SNTG2: variants seen among roughly 807,000 people sequenced by gnomAD.
The protein encoded by SNTG2 is syntrophin gamma 2, also known as gamma-2-syntrophin.
Under a neutral mutation model 70.9 loss-of-function variants are expected in SNTG2, and 74 were observed. That is an observed-to-expected ratio of 1.04 (90% CI 0.86 to 1.27). SNTG2 has a LOEUF of 1.27. SNTG2 is among the 50% of genes most tolerant of loss of function. The pLI, the probability that SNTG2 is intolerant of heterozygous loss-of-function variation, is 0.00. For synonymous variants in SNTG2, 278 were observed against 273.8 expected, an observed-to-expected ratio of 1.02 and a Z score of -0.15; for missense variants, 717 against 690.7, an observed-to-expected ratio of 1.04 and a Z score of -0.43.
intron 11 of SNTG2, 120 bp downstream of exon 11, chr2:1,239,896 T>A: frequency 1.6e-6 from 2 of 1,257,152 alleles, no homozygotes; most frequent in Non-Finnish European, 2.3e-6. Context: ...GATTTGAAAA[T>A]GTTGATAGGA....
At chr2:1,084,871 G>A (rs1396378646) in intron 2 of SNTG2, among the ~76,000 whole-genome samples, 1 of 152,168 alleles carries the variant, frequency 6.6e-6, no homozygotes, top group Non-Finnish European at 1.5e-5. Context: ...AAGCTTTCGT[G>A]TGAGGGCACC....
chr2:1,334,932 A>G (rs1248323474), intron 16 of SNTG2, among the ~76,000 whole-genome samples: 1 of 152,344 alleles, frequency 6.6e-6, no homozygotes. Context: ...CCCAAAAACT[A>G]TTGAAATAAA....
At chr2:1,282,625 C>T (rs1230891788) in intron 14 of SNTG2, among the ~76,000 whole-genome samples, 2 of 152,098 alleles carry the variant, frequency 1.3e-5, no homozygotes, top group African/African-American at 2.4e-5. Context: ...ACAATAACGC[C>T]GCCTCCCCCG....
intron 9 of SNTG2, among the ~76,000 whole-genome samples, chr2:1,236,950 C>CTTT (rs34225491): frequency 0.16 from 24,407 of 148,046 alleles, 3,294 homozygotes; most frequent in African/African-American, 0.37. Context: ...TTCTTTTTTT[C>CTTT]TTTTTTTTTT....
At chr2:1,263,124 A>G (rs1293000220) in intron 13 of SNTG2, among the ~76,000 whole-genome samples, 2 of 152,232 alleles carry the variant, frequency 1.3e-5, no homozygotes, top group African/African-American at 4.8e-5. Flanking sequence ...GAATCTAAAG[A>G]AGAGTCCATT....
intron 16 of SNTG2, among the ~76,000 whole-genome samples, chr2:1,339,302 A>G (rs906527672): frequency 1.3e-5 from 2 of 152,206 alleles, no homozygotes; most frequent in Admixed American, 6.5e-5. Context: ...ATTTTCTTCC[A>G]TTCTGTAGTT....
intron 1 of SNTG2, among the ~76,000 whole-genome samples, chr2:1,046,841 C>T (rs12479068): frequency 0.81 from 123,495 of 152,002 alleles, 50,499 homozygotes; most frequent in Non-Finnish European, 0.83. Flanking sequence ...GTCTTGGAAG[C>T]TGGTGATCTT....
chr2:1,135,320 C>T (rs1405505481), intron 4 of SNTG2, among the ~76,000 whole-genome samples: 1 of 119,430 alleles, frequency 8.4e-6, no homozygotes, highest in Admixed American at 8.7e-5. Flanking sequence ...AACAAAATGC[C>T]ACTTTTTGCT....
intron 8 of SNTG2, among the ~76,000 whole-genome samples, chr2:1,203,150 T>TA (rs1673383327): frequency 6.6e-6 from 1 of 152,190 alleles, no homozygotes; most frequent in Non-Finnish European, 1.5e-5. Flanking sequence ...TTCAACAAGA[T>TA]AGATGGAATG....
intron 1 of SNTG2, among the ~76,000 whole-genome samples, chr2:1,004,108 G>A (rs1659493551): frequency 6.6e-6 from 1 of 152,010 alleles, no homozygotes; most frequent in African/African-American, 2.4e-5. Flanking sequence ...CAACCTATTT[G>A]GTTTTAATTC....
At chr2:962,063 A>G (rs1660365978) in intron 1 of SNTG2, among the ~76,000 whole-genome samples, 1 of 152,212 alleles carries the variant, frequency 6.6e-6, no homozygotes, top group South Asian at 2.1e-4. Context: ...AAATGTGGAA[A>G]TACTGGTAAC....
intron 14 of SNTG2, among the ~76,000 whole-genome samples, chr2:1,299,789 C>G (rs1680370198): frequency 6.6e-6 from 1 of 152,228 alleles, no homozygotes; most frequent in South Asian, 2.1e-4. Flanking sequence ...CTTTGGCAAG[C>G]TGTGTGCCTG....
chr2:1,135,713 ACT>A (rs1020867425), intron 4 of SNTG2, among the ~76,000 whole-genome samples: 3 of 152,028 alleles, frequency 2.0e-5, no homozygotes, highest in African/African-American at 7.2e-5. Flanking sequence ...CAAGTGCAAG[ACT>A]CTGTCTCAAA....
intron 1 of SNTG2, among the ~76,000 whole-genome samples, chr2:965,637 C>T (rs998316953): frequency 5.3e-5 from 8 of 152,054 alleles, no homozygotes; most frequent in Middle Eastern, 3.2e-3. Context: ...GGGCTGCCCT[C>T]GGCTCGGGGG....
intron 8 of SNTG2, among the ~76,000 whole-genome samples, chr2:1,197,359 CA>C (rs749230454): frequency 1.4e-5 from 2 of 147,520 alleles, no homozygotes; most frequent in Non-Finnish European, 1.5e-5. Context: ...AAGTCAAAAA[CA>C]AAAAAAAGAC....
chr2:1,321,601 G>T (rs997063954), intron 16 of SNTG2, among the ~76,000 whole-genome samples: 1 of 152,142 alleles, frequency 6.6e-6, no homozygotes, highest in African/African-American at 2.4e-5. Context: ...AATCGAGGGT[G>T]CTGAGAAAAC....
intron 6 of SNTG2, among the ~76,000 whole-genome samples, chr2:1,156,099 G>A (rs75000088): frequency 0.089 from 13,481 of 152,220 alleles, 978 homozygotes; most frequent in African/African-American, 0.2. Context: ...TGCTGTGGAA[G>A]GGAACAGAGA....
chr2:1,150,921 C>CT (rs398103958), intron 6 of SNTG2, among the ~76,000 whole-genome samples: 8 of 151,702 alleles, frequency 5.3e-5, no homozygotes, highest in Non-Finnish European at 7.4e-5. Context: ...GCTGCTGAAC[C>CT]GAGCTCCAAC....
intron 13 of SNTG2, among the ~76,000 whole-genome samples, chr2:1,261,754 C>T (rs1173570583): frequency 1.3e-5 from 2 of 152,158 alleles, no homozygotes; most frequent in African/African-American, 4.8e-5. Flanking sequence ...AGGAACCTTG[C>T]TAAGCACTTA....
Sources: gnomAD v4.1 joint callset for allele counts (sites outside exome capture counted in the v4.1 genomes callset) on GRCh38, gnomAD v4.1.1 for gene constraint, MANE v1.5 for transcripts, NCBI Gene and HGNC (gene_info 2026-07-23, HGNC 2026-07-21) for gene names.